The following PRKG1 variants were observed in gnomAD, a reference collection of about 807,000 sequenced individuals.
PRKG1 encodes protein kinase cGMP-dependent 1.
Under a neutral mutation model 88.1 loss-of-function variants are expected in PRKG1, and 35 were observed. The ratio of observed to expected loss-of-function variants is 0.40; its 90% CI spans 0.30 to 0.53. The LOEUF is 0.53. PRKG1 is among the 20% of genes least tolerant of loss of function. The pLI is 0.59. For missense variants in PRKG1, 540 were observed against 839.8 expected (o/e 0.64, Z 4.41); for synonymous variants, 303 against 292.5 (o/e 1.04, Z -0.37).
chr10:51,159,705 T>A (rs779886507), intron 2 of PRKG1, among the ~76,000 whole-genome samples: 1 of 152,132 alleles, frequency 6.6e-6, no homozygotes, highest in Non-Finnish European at 1.5e-5. Context: ...GACTTTAATA[T>A]ACTTGAGCAA....
chr10:51,843,093 C>CTTTTTTTTTTTTTTTTTTT (rs1167219822), intron 4 of PRKG1, among the ~76,000 whole-genome samples: 1 of 87,912 alleles, frequency 1.1e-5, no homozygotes, highest in African/African-American at 4.2e-5. Context: ...GAAAATTATT[C>CTTTTTTTTTTTTTTTTTTT]TTTTTTTTTT....
At chr10:52,024,327 T>TTTTTA (rs1554793244) in intron 5 of PRKG1, among the ~76,000 whole-genome samples, 20 of 149,124 alleles carry the variant, frequency 1.3e-4, no homozygotes, top group Admixed American at 1.1e-3. Context: ...CTTTTTTTTT[T>TTTTTA]ATTCTTTTTT....
intron 2 of PRKG1, among the ~76,000 whole-genome samples, chr10:51,375,124 A>C (rs947545145): frequency 3.3e-5 from 5 of 152,176 alleles, no homozygotes; most frequent in African/African-American, 1.2e-4. Context: ...ATTGGAAGAG[A>C]GGGAATTAAA....
At chr10:51,436,376 T>C (rs909220694) in intron 2 of PRKG1, among the ~76,000 whole-genome samples, 2 of 151,932 alleles carry the variant, frequency 1.3e-5, no homozygotes, top group African/African-American at 4.8e-5. Flanking sequence ...TATTCTCTTG[T>C]CTACCAACTG....
chr10:51,011,997 G>A (rs954078059), intron 1 of PRKG1, among the ~76,000 whole-genome samples: 6 of 152,182 alleles, frequency 3.9e-5, no homozygotes, highest in Non-Finnish European at 5.9e-5. Context: ...TCCCCTTTAT[G>A]AAACCATCAG....
intron 9 of PRKG1, among the ~76,000 whole-genome samples, chr10:52,164,308 G>A (rs568254642): frequency 3.6e-4 from 55 of 151,870 alleles, no homozygotes; most frequent in Non-Finnish European, 6.5e-4. Flanking sequence ...CCAAGACCGC[G>A]CCATTACCCT....
At chr10:51,748,693 A>T (rs557881499) in intron 3 of PRKG1, among the ~76,000 whole-genome samples, 41 of 152,302 alleles carry the variant, frequency 2.7e-4, no homozygotes, top group African/African-American at 9.6e-4. Context: ...AATGCTACAA[A>T]TCTTTTGAAG....
rs537957883 is a variant in PRKG1 at position 51,506,202 on chromosome 10, C to T, written c.592+38366C>T. ...TGTTAGACCTAAAACCATGAAAATCCTAGAAGAAAACTTAGGCAATACCAT... is the reference window on the plus strand; with the variant it reads ...TGTTAGACCTAAAACCATGAAAATCTTAGAAGAAAACTTAGGCAATACCAT... On this transcript the variant is annotated intron_variant, in intron 3 of 17. Coordinates refer to ENST00000373980, the MANE Select transcript of PRKG1 (RefSeq NM_006258.4). 8.5e-5 allele frequency among the ~76,000 whole-genome samples: 13 copies of T among 152,232 alleles called. No homozygotes were observed. The South Asian group carries it at 1.7e-3, about 19-fold the overall frequency.
chr10:51,012,661 C>T (rs1843008287), intron 1 of PRKG1, among the ~76,000 whole-genome samples: 1 of 152,220 alleles, frequency 6.6e-6, no homozygotes, highest in Non-Finnish European at 1.5e-5. Context: ...TGCCAGTCAT[C>T]ATTCTAGGTG....
At chr10:51,495,850 G>T (rs1840835885) in intron 3 of PRKG1, among the ~76,000 whole-genome samples, 1 of 152,158 alleles carries the variant, frequency 6.6e-6, no homozygotes, top group Non-Finnish European at 1.5e-5. Flanking sequence ...AGTGATGTAG[G>T]TATGATTGAG....
intron 5 of PRKG1, among the ~76,000 whole-genome samples, chr10:51,927,206 A>G (rs1842597290): frequency 6.6e-6 from 1 of 152,148 alleles, no homozygotes; most frequent in Non-Finnish European, 1.5e-5. Context: ...GAGATAATTG[A>G]ATCATAGGGG....
intron 3 of PRKG1, 100 bp downstream of exon 3, chr10:51,467,936 A>G: frequency 1.0e-6 from 1 of 988,340 alleles, no homozygotes; most frequent in Non-Finnish European, 1.6e-6. Context: ...TTATACTTTT[A>G]TTTCTTTGTA....
At chr10:51,745,181 T>C (rs999295474) in intron 3 of PRKG1, among the ~76,000 whole-genome samples, 1 of 152,222 alleles carries the variant, frequency 6.6e-6, no homozygotes, top group African/African-American at 2.4e-5. Context: ...ATTTTAAATA[T>C]ATGGTTTTTA....
At chr10:51,990,712 C>G (rs1044311615) in intron 5 of PRKG1, among the ~76,000 whole-genome samples, 2 of 152,056 alleles carry the variant, frequency 1.3e-5, no homozygotes, top group Non-Finnish European at 2.9e-5. Context: ...GATCCTCTCC[C>G]TCCTCCCACC....
intron 2 of PRKG1, among the ~76,000 whole-genome samples, chr10:51,156,930 T>G (rs1270537508): frequency 6.6e-6 from 1 of 151,970 alleles, no homozygotes; most frequent in African/African-American, 2.4e-5. Context: ...ACAAGCTTGC[T>G]TACTATCAAG....
chr10:51,063,245 C>A (rs1843712377), intron 1 of PRKG1, among the ~76,000 whole-genome samples: 1 of 152,170 alleles, frequency 6.6e-6, no homozygotes, highest in Non-Finnish European at 1.5e-5. Flanking sequence ...TCAAGTACAG[C>A]TGCGTCATTT....
chr10:51,181,940 T>C (rs1048310188), intron 2 of PRKG1, among the ~76,000 whole-genome samples: 5 of 152,240 alleles, frequency 3.3e-5, no homozygotes, highest in African/African-American at 1.2e-4. Context: ...TATTTTTTAC[T>C]GAAAAACTAC....
chr10:51,226,738 T>G (rs984297849), intron 2 of PRKG1, among the ~76,000 whole-genome samples: 2 of 152,166 alleles, frequency 1.3e-5, no homozygotes, highest in Non-Finnish European at 2.9e-5. Context: ...TTATTTAATT[T>G]TTTCAAATTA....
chr10:51,396,625 G>T (rs1837584242), intron 2 of PRKG1, among the ~76,000 whole-genome samples: 1 of 152,226 alleles, frequency 6.6e-6, no homozygotes, highest in African/African-American at 2.4e-5. Context: ...CTTGACCACA[G>T]TCTGGCTTTT....
Sources: allele counts gnomAD v4.1 joint callset (sites outside exome capture counted in the v4.1 genomes callset), GRCh38; gene constraint gnomAD v4.1.1; transcripts MANE v1.5; gene names NCBI Gene and HGNC (gene_info 2026-07-23, HGNC 2026-07-21).